The following CSMD1 variants were observed in gnomAD, a reference collection of about 807,000 sequenced individuals.
CSMD1 encodes the protein CUB and Sushi multiple domains 1, also known as CUB and sushi domain-containing protein 1.
CSMD1 carries 213 observed loss-of-function variants against 417.5 expected under a neutral mutation model. That is an observed-to-expected ratio of 0.51 (90% confidence interval 0.46 to 0.57). The LOEUF (loss-of-function observed/expected upper bound fraction) is 0.57. Ranked by LOEUF, CSMD1 falls within the 20% of genes least tolerant of loss-of-function variation. The pLI is 0.00. For missense variants in CSMD1, 6,923 were observed against 4,529.7 expected (o/e 1.53, Z -15.17); for synonymous variants, 2,862 against 1,736.8 (o/e 1.65, Z -16.11).
chr8:3,673,146 A>G (rs1307382520), intron 7 of CSMD1, among the ~76,000 whole-genome samples: 1 of 152,234 alleles, frequency 6.6e-6, no homozygotes, highest in Non-Finnish European at 1.5e-5. Context: ...ATATTAAAGG[A>G]AACTCTGATG....
intron 40 of CSMD1, among the ~76,000 whole-genome samples, chr8:3,147,814 G>C (rs961842321): frequency 6.6e-6 from 1 of 152,162 alleles, no homozygotes; most frequent in African/African-American, 2.4e-5. Flanking sequence ...TCTGAAAACC[G>C]AGGAGGGGAG....
intron 26 of CSMD1, among the ~76,000 whole-genome samples, chr8:3,230,904 G>A (rs1272000730): frequency 2.0e-5 from 3 of 152,144 alleles, no homozygotes; most frequent in African/African-American, 7.2e-5. Context: ...AATCTGCTGA[G>A]TAGAGGCCAG....
At chr8:4,806,784 G>A (rs572780098) in intron 1 of CSMD1, among the ~76,000 whole-genome samples, 1 of 152,088 alleles carries the variant, frequency 6.6e-6, no homozygotes, top group Non-Finnish European at 1.5e-5. Flanking sequence ...ATCTAGTCCT[G>A]TGACAACCTT....
intron 1 of CSMD1, among the ~76,000 whole-genome samples, chr8:4,703,925 T>C (rs1418951948): frequency 6.6e-6 from 1 of 152,266 alleles, no homozygotes; most frequent in Admixed American, 6.5e-5. Flanking sequence ...CATCAGGCAT[T>C]AGATTCTCAC....
At chr8:3,047,655 C>T (rs7460441) in intron 50 of CSMD1, among the ~76,000 whole-genome samples, 115,911 of 152,176 alleles carry the variant, frequency 0.76, 44,749 homozygotes, top group Non-Finnish European at 0.82. Flanking sequence ...CCTTCCTTTA[C>T]CCCCAACCAA....
At position 3,336,979 on chromosome 8, in the gene CSMD1, C is replaced by G. The variant is rs1807305643; in HGVS notation, c.3631+6315G>C. Among the ~76,000 whole-genome samples, 2 of 152,118 alleles carry G rather than the reference C, an allele frequency of 1.3e-5. 1 individual carries two copies. Among genetic ancestry groups the G allele is most frequent in the Non-Finnish European group, 2.9e-5 (2 of 68,022 alleles). On this transcript the variant is annotated intron_variant, in intron 23 of 69. Transcript: ENST00000635120. ...TAGGAGACTGACCTTATGCCAGTTG[C>G]TATATAAATTAGACAGGAGCTGTGC...
intron 3 of CSMD1, among the ~76,000 whole-genome samples, chr8:4,264,351 G>A (rs1470085805): frequency 2.6e-5 from 4 of 152,132 alleles, no homozygotes; most frequent in South Asian, 4.1e-4. Context: ...TTCAGAATAA[G>A]AGCTCCTGTC....
intron 1 of CSMD1, among the ~76,000 whole-genome samples, chr8:4,697,743 A>C (rs1309234826): frequency 1.3e-5 from 2 of 152,190 alleles, no homozygotes; most frequent in Non-Finnish European, 2.9e-5. Flanking sequence ...CAAAGTAAAA[A>C]AAGGAAAGCA....
At chr8:4,476,484 T>C (rs1480360426) in intron 2 of CSMD1, among the ~76,000 whole-genome samples, 1 of 152,216 alleles carries the variant, frequency 6.6e-6, no homozygotes, top group Admixed American at 6.5e-5. Context: ...TCATCTGAAT[T>C]AATACTGAAA....
At chr8:4,295,679 ATTATACATG>A (rs1451585732) in intron 3 of CSMD1, among the ~76,000 whole-genome samples, 16 of 143,788 alleles carry the variant, frequency 1.1e-4, no homozygotes, top group East Asian at 6.0e-4. Context: ...CATATGTTAT[ATTATACATG>A]TTATATATGT....
At chr8:3,904,980 G>A (rs1400419229) in intron 5 of CSMD1, among the ~76,000 whole-genome samples, 3 of 152,016 alleles carry the variant, frequency 2.0e-5, no homozygotes, top group South Asian at 4.2e-4. Context: ...GGTCAAAGAG[G>A]AAGAAGTACC....
At chr8:3,304,579 A>C (rs2117363559) in intron 25 of CSMD1, among the ~76,000 whole-genome samples, 1 of 152,282 alleles carries the variant, frequency 6.6e-6, no homozygotes, top group East Asian at 1.9e-4. Flanking sequence ...GCTTATTGGG[A>C]AGAAGTTTAT....
At chr8:3,598,045 A>C (rs1465585654) in intron 8 of CSMD1, among the ~76,000 whole-genome samples, 2 of 152,190 alleles carry the variant, frequency 1.3e-5, no homozygotes, top group African/African-American at 4.8e-5. Context: ...AGCCCAATAA[A>C]ACACTTTCTT....
At chr8:4,471,256 TA>T (rs200678551) in intron 2 of CSMD1, among the ~76,000 whole-genome samples, 8 of 152,036 alleles carry the variant, frequency 5.3e-5, no homozygotes, top group Non-Finnish European at 1.0e-4. Flanking sequence ...GTGTCCTACT[TA>T]AAAAAATCAG....
intron 12 of CSMD1, among the ~76,000 whole-genome samples, chr8:3,459,365 G>A (rs981820551): frequency 1.3e-5 from 2 of 152,124 alleles, no homozygotes; most frequent in African/African-American, 4.8e-5. Flanking sequence ...GTAATATGAC[G>A]GGAATCGCAC....
chr8:4,589,086 T>G (rs1226074541), intron 2 of CSMD1, among the ~76,000 whole-genome samples: 1 of 152,102 alleles, frequency 6.6e-6, no homozygotes, highest in African/African-American at 2.4e-5. Context: ...AAAAATATGT[T>G]GTCCTTAGAC....
chr8:3,742,802 AAC>A (rs1796878717), intron 6 of CSMD1, among the ~76,000 whole-genome samples: 1 of 152,164 alleles, frequency 6.6e-6, no homozygotes, highest in Non-Finnish European at 1.5e-5. Flanking sequence ...ACAAAAAACA[AAC>A]AGAGAACTCC....
Position 4,793,277 on chromosome 8 carries a change from G to C in CSMD1, c.86-155719C>G, listed in dbSNP as rs183163363. Reference sequence around the variant, plus strand: ...AGACCTAATCTATGTATTTGTTTTAGGCTGGAAAAATAGAACCTATTCTCT... The same window carrying C: ...AGACCTAATCTATGTATTTGTTTTACGCTGGAAAAATAGAACCTATTCTCT... On this transcript the variant is annotated intron_variant, in intron 1 of 69. Transcript: ENST00000635120. Among the ~76,000 whole-genome samples, 15 of 152,144 alleles carry C rather than the reference G, an allele frequency of 9.9e-5. 1 individual carries two copies. The highest frequency in any genetic ancestry group is 6.5e-4 in the Admixed American group (10 of 15,280).
At chr8:3,477,860 T>C (rs535560295) in intron 11 of CSMD1, among the ~76,000 whole-genome samples, 3 of 152,192 alleles carry the variant, frequency 2.0e-5, no homozygotes, top group Non-Finnish European at 4.4e-5. Context: ...GATTCCATGT[T>C]TATTTATATG....
Sources: allele counts gnomAD v4.1 joint callset (sites outside exome capture counted in the v4.1 genomes callset), GRCh38; gene constraint gnomAD v4.1.1; transcripts MANE v1.5; gene names NCBI Gene and HGNC (gene_info 2026-07-23, HGNC 2026-07-21).